Variants in SCRN1 observed in about 807,000 individuals in gnomAD.
SCRN1 encodes the protein secernin 1.
In SCRN1, 19 loss-of-function variants were observed where a neutral mutation model predicts 43.3. That is an observed-to-expected ratio of 0.44 (90% CI 0.31 to 0.64). The LOEUF (loss-of-function observed/expected upper bound fraction) is 0.64. Ranked by LOEUF, SCRN1 falls within the 30% of genes least tolerant of loss-of-function variation. SCRN1 has a pLI of 0.09. For synonymous variants in SCRN1, 183 were observed against 188.9 expected, an observed-to-expected ratio of 0.97 and a Z score of 0.26; for missense variants, 447 against 524.1, an observed-to-expected ratio of 0.85 and a Z score of 1.44.
upstream of SCRN1, chr7:29,990,215 G>C: frequency 6.4e-7 from 1 of 1,551,668 alleles, no homozygotes; most frequent in Non-Finnish European, 8.7e-7. Flanking sequence ...CGAGTCCCTG[G>C]TTTTAAAAGT....
intron 1 of SCRN1, among the ~76,000 whole-genome samples, chr7:29,981,899 G>A (rs894211299): frequency 3.3e-5 from 5 of 152,186 alleles, no homozygotes; most frequent in African/African-American, 7.2e-5. Context: ...ACATTCCATA[G>A]AAGGCTCAGA....
At chr7:29,932,902 A>C (rs1374799065) in intron 6 of SCRN1, among the ~76,000 whole-genome samples, 1 of 151,878 alleles carries the variant, frequency 6.6e-6, no homozygotes, top group African/African-American at 2.4e-5. Context: ...TTTGAGACAG[A>C]GTCTCACTCT....
chr7:29,940,983 C>T (rs1460777662), intron 4 of SCRN1, 107 bp from the exon 5 acceptor site: 3 of 909,474 alleles, frequency 3.3e-6, no homozygotes, highest in African/African-American at 3.5e-5. Flanking sequence ...ACTTTAACTA[C>T]AGGGAGGAAT....
intron 2 of SCRN1, among the ~76,000 whole-genome samples, chr7:29,957,562 T>C (rs1164391323): frequency 1.3e-5 from 2 of 152,234 alleles, no homozygotes; most frequent in Non-Finnish European, 1.5e-5. Flanking sequence ...ATCTTTGTTA[T>C]TTAGTTCACT....
intron 6 of SCRN1, among the ~76,000 whole-genome samples, chr7:29,935,001 G>A (rs2128088131): frequency 6.6e-6 from 1 of 152,260 alleles, no homozygotes; most frequent in South Asian, 2.1e-4. Context: ...TTTACCTAAA[G>A]AACCCCTATT....
At chr7:29,932,166 G>A (rs1195225592) in intron 6 of SCRN1, among the ~76,000 whole-genome samples, 1 of 152,114 alleles carries the variant, frequency 6.6e-6, no homozygotes, top group East Asian at 1.9e-4. Flanking sequence ...GAGACAGCTG[G>A]TGTTGGAAGA....
At chr7:29,955,461 A>C in intron 2 of SCRN1, 101 bp from the exon 3 acceptor site, 2 of 1,172,360 alleles carry the variant, frequency 1.7e-6, no homozygotes, top group Non-Finnish European at 2.4e-6. Flanking sequence ...TTACAAACAG[A>C]GCCAAAAAAT....
In SCRN1 at chr7:29,943,909, C is replaced by T. The variant is rs115020245; in HGVS notation, c.544+68G>A. On this transcript the variant is annotated intron_variant, in intron 4 of 7. Transcript: ENST00000242059. ...TCTTTCTTCCAGGTCTGACACTGTA[C>T]GTGCAGGCCACCCCATCTCTGTGGC... 4,743 of 1,442,308 alleles carry T rather than the reference C, an allele frequency of 3.3e-3. 22 individuals are homozygous for T. The highest frequency in any genetic ancestry group is 0.017 in the Middle Eastern group (83 of 4,922). 89.3% of individuals were successfully genotyped at this position (1,442,308 alleles called of 1,614,324 possible). A position where few individuals can be genotyped will look rare whatever the true frequency, so the allele number is the denominator to read the frequency against.
intron 3 of SCRN1, among the ~76,000 whole-genome samples, chr7:29,945,209 A>T (rs933343783): frequency 2.0e-5 from 3 of 152,224 alleles, no homozygotes; most frequent in Admixed American, 2.0e-4. Context: ...TCCAATTAAT[A>T]AACCCTTTAA....
Position 29,936,683 on chromosome 7 carries a change from C to T in SCRN1, c.778G>A (p.Asp260Asn), listed in dbSNP as rs763742383. Residue 260 changes from aspartate to asparagine, a missense_variant, in exon 6 of 8, where the codon GAC (aspartate) becomes AAC (asparagine). Coordinates refer to ENST00000242059, the MANE Select transcript of SCRN1 (RefSeq NM_014766.5). ...TCTATGCACACTCCGCTGGCTTTGTCCCGTAAGGTGTTCATCATAGTCTGC... is the reference window on the plus strand; with the variant it reads ...TCTATGCACACTCCGCTGGCTTTGTTCCGTAAGGTGTTCATCATAGTCTGC... ...TVQTMMNTLRDKASGVCIDSE... is the reference protein window; with the variant it reads ...TVQTMMNTLRNKASGVCIDSE... 13 of 1,585,890 alleles carry T rather than the reference C, an allele frequency of 8.2e-6. No homozygotes were observed. Among genetic ancestry groups the T allele is most frequent in the African/African-American group, 1.3e-5 (1 of 74,536 alleles).
chr7:29,969,741 C>CA, intron 1 of SCRN1: 2 of 444,534 alleles, frequency 4.5e-6, no homozygotes, highest in South Asian at 3.2e-5. Flanking sequence ...CATCCATGCT[C>CA]AGAGTTTCCC....
At chr7:29,952,744 A>T (rs908464303) in intron 3 of SCRN1, among the ~76,000 whole-genome samples, 2 of 151,818 alleles carry the variant, frequency 1.3e-5, no homozygotes, top group Admixed American at 1.3e-4. Context: ...TACTTTTAGG[A>T]TTTGGTTGGT....
chr7:29,987,950 T>C (rs1405837837), intron 1 of SCRN1, among the ~76,000 whole-genome samples: 2 of 152,000 alleles, frequency 1.3e-5, no homozygotes, highest in Non-Finnish European at 2.9e-5. Context: ...CCTCCTCTAT[T>C]CCATTATCCC....
intron 1 of SCRN1, among the ~76,000 whole-genome samples, chr7:29,987,970 T>C (rs1460136984): frequency 2.0e-5 from 3 of 152,128 alleles, no homozygotes; most frequent in Non-Finnish European, 4.4e-5. Flanking sequence ...CTGAAGCATT[T>C]GCCTCCTCAT....
chr7:29,934,192 T>C (rs935420272), intron 6 of SCRN1, among the ~76,000 whole-genome samples: 2 of 152,248 alleles, frequency 1.3e-5, no homozygotes, highest in African/African-American at 4.8e-5. Context: ...TACAAGGTTT[T>C]TAAAATTAAT....
intron 3 of SCRN1, among the ~76,000 whole-genome samples, chr7:29,953,953 T>C (rs940862317): frequency 2.6e-5 from 4 of 152,206 alleles, no homozygotes; most frequent in African/African-American, 9.6e-5. Context: ...ACATCCACAC[T>C]GAAAGCCAAG....
At chr7:29,955,500 A>C (rs1242317646) in intron 2 of SCRN1, 140 bp from the exon 3 acceptor site, 1 of 747,734 alleles carries the variant, frequency 1.3e-6, no homozygotes, top group East Asian at 2.6e-5. Context: ...CCTGATTTTT[A>C]AGTCTTCACA....
upstream of SCRN1, chr7:29,989,900 C>A: frequency 1.0e-5 from 11 of 1,077,010 alleles, no homozygotes; most frequent in Non-Finnish European, 1.2e-5. Context: ...GGGGCCCCGC[C>A]GCACCCCGCG....
At chr7:29,960,690 G>C (rs1788278517) in intron 2 of SCRN1, among the ~76,000 whole-genome samples, 1 of 151,822 alleles carries the variant, frequency 6.6e-6, no homozygotes, top group Non-Finnish European at 1.5e-5. Flanking sequence ...TACCATCCAT[G>C]AGCATGCATG....
Sources: allele counts gnomAD v4.1 joint callset (sites outside exome capture counted in the v4.1 genomes callset), GRCh38; gene constraint gnomAD v4.1.1; transcripts MANE v1.5; gene names NCBI Gene and HGNC (gene_info 2026-07-23, HGNC 2026-07-21).